The following C19orf44 variants were observed in gnomAD, a reference collection of about 807,000 sequenced individuals.
C19orf44 encodes chromosome 19 open reading frame 44.
In C19orf44, 43 loss-of-function variants were observed where a neutral mutation model predicts 50.7. That is an observed-to-expected ratio of 0.85 (90% CI 0.66 to 1.09). The LOEUF (loss-of-function observed/expected upper bound fraction) is 1.09, where lower values mean the gene tolerates loss of function less well. C19orf44 is among the 50% of genes least tolerant of loss of function. The pLI is 0.00. For synonymous variants in C19orf44, 298 were observed against 334.7 expected (o/e 0.89, Z 1.20); for missense variants, 722 against 836.2 (o/e 0.86, Z 1.68).
chr19:16,509,754 T>G lies in C19orf44; in HGVS notation c.1405T>G (p.Ser469Ala), dbSNP rs540886492. ...GGTGAACACAGTCAGCTCAGCTTAT[T>G]CGGAGGATTTTGAAAACTCTCCAAG... ...PMVNTVSSAY[S>A]EDFENSPSLT... Residue 469 changes from serine (S) to alanine (A), a missense_variant, in exon 5 of 9, where the codon TCG becomes GCG. Coordinates refer to ENST00000221671, the MANE Select transcript of C19orf44 (RefSeq NM_032207.4). 1.9e-6 allele frequency: 3 copies of G among 1,614,264 alleles called. No individual in the cohort carries two copies. Among genetic ancestry groups the G allele is most frequent in the Non-Finnish European group, 2.5e-6 (3 of 1,180,044 alleles).
intron 7 of C19orf44, among the ~76,000 whole-genome samples, chr19:16,516,563 G>A (rs2093472889): frequency 6.6e-6 from 1 of 152,188 alleles, no homozygotes; most frequent in Non-Finnish European, 1.5e-5. Flanking sequence ...TATCCGATAT[G>A]TCCTTTGAGC....
Position 16,520,742 on chromosome 19 carries a change from G to A in C19orf44, c.*689G>A. On this transcript the variant is annotated 3_prime_UTR_variant, in exon 9 of 9. Coordinates refer to ENST00000221671, the MANE Select transcript of C19orf44 (RefSeq NM_032207.4). This position sits in a 1 kb window ranked among gnomAD's most constrained non-coding sequence, Gnocchi z 4.0. ...GCACAGGCTGTGTGAGGGTGGACGT[G>A]ATGAGTGTATCTGGGGTCTGCTCCC... 1 of 1,364,676 alleles carries A rather than the reference G, an allele frequency of 7.3e-7. No individual in the cohort carries two copies. The highest frequency in any genetic ancestry group is 1.0e-6 in the Non-Finnish European group (1 of 959,768). 84.5% of individuals were successfully genotyped at this position (1,364,676 alleles called of 1,614,324 possible). A position where few individuals can be genotyped will look rare whatever the true frequency, so the allele number is the denominator to read the frequency against.
intron 5 of C19orf44, among the ~76,000 whole-genome samples, chr19:16,511,071 C>G (rs2093455917): frequency 6.6e-6 from 1 of 151,290 alleles, no homozygotes; most frequent in African/African-American, 2.4e-5. Flanking sequence ...GAGTCTCACT[C>G]TCTTGCCCAG....
rs1468008552 is a variant in C19orf44 at position 16,514,563 on chromosome 19, CGCA to C, written c.1807_1809del (p.Gln603del). 4.3e-6 allele frequency: 7 copies of C among 1,611,236 alleles called. No individual in the cohort carries two copies. Among genetic ancestry groups the C allele is most frequent in the South Asian group, 2.2e-5 (2 of 90,832 alleles). Reference sequence around the variant, plus strand: ...GTGCTGAAGCAGCAGCTGAGCCTGACGCAGCAGTTCATCCAGGCCAGCCGGCAC... The same window carrying C: ...GTGCTGAAGCAGCAGCTGAGCCTGACGCAGTTCATCCAGGCCAGCCGGCAC... On this transcript the variant is annotated inframe_deletion, in exon 7 of 9. Coordinates refer to ENST00000221671, the MANE Select transcript of C19orf44 (RefSeq NM_032207.4).
rs1477185043 is a variant in C19orf44 at position 16,503,369 on chromosome 19, A to C, written c.1064A>C (p.Asp355Ala). 2.5e-6 allele frequency: 4 copies of C among 1,609,248 alleles called. No homozygotes were observed. Among genetic ancestry groups the C allele is most frequent in the Non-Finnish European group, 3.4e-6 (4 of 1,176,094 alleles). ...GAGCCAGTCTCAGAAGGTGCTGATG[A>C]CAGCCTCGACGGTAATCCCAGTCCC... is the stretch of plus-strand genomic sequence containing the variant. The part of the protein sequence containing the change: ...VDEPVSEGAD[D>A]SLDEFRINIL... The change falls in exon 3 of 9, where the codon GAC becomes GCC. Residue 355 changes from aspartate to alanine, a missense_variant. Coordinates refer to ENST00000221671, the MANE Select transcript of C19orf44 (RefSeq NM_032207.4).
chr19:16,505,984 T>G (rs917739147), intron 3 of C19orf44, among the ~76,000 whole-genome samples: 10 of 138,458 alleles, frequency 7.2e-5, no homozygotes, highest in Non-Finnish European at 1.4e-4. Context: ...GCCCGATGAT[T>G]ATTATTATTT....
intron 7 of C19orf44, among the ~76,000 whole-genome samples, chr19:16,516,113 A>G (rs1185756486): frequency 1.3e-5 from 2 of 152,126 alleles, no homozygotes; most frequent in Non-Finnish European, 2.9e-5. Context: ...CATTTTACAT[A>G]ACAAATTTTT....
chr19:16,509,881 A>G lies in C19orf44; in HGVS notation c.1532A>G (p.Gln511Arg). Residue 511 changes from glutamine to arginine, a missense_variant, in exon 5 of 9, where the codon CAA (glutamine) becomes CGA (arginine). By Grantham distance (43) the Gln-to-Arg change is conservative (BLOSUM62 1). Transcript: ENST00000221671. ...TCAAGTGTGAAGACAGACCTTCCAC[A>G]AACAGCCGAGTCTAGGAAAAAGTCG... ...SSSSVKTDLP[Q>R]TAESRKKSGR... is the part of the protein sequence containing the mutation. 6.2e-7 allele frequency: 1 copy of G among 1,614,264 alleles called. No individual in the cohort carries two copies. Among genetic ancestry groups the G allele is most frequent in the Non-Finnish European group, 8.5e-7 (1 of 1,180,044 alleles).
rs767815823 is a variant in C19orf44 at position 16,519,278 on chromosome 19, C to T, written c.*41-816C>T. 3 of 1,614,070 alleles carry T rather than the reference C, an allele frequency of 1.9e-6. No individual in the cohort carries two copies. Among genetic ancestry groups the T allele is most frequent in the Non-Finnish European group, 2.5e-6 (3 of 1,180,040 alleles). ...ACGCCTTTATACTGGTCCCACTTAT[C>T]CCGGACGTCCCCGCCCTTGATGGGG... On this transcript the variant is annotated intron_variant, in intron 8 of 8. Transcript: ENST00000221671. The surrounding 1 kb of genome is among the most constrained non-coding windows in gnomAD (Gnocchi z 6.0).
rs890225112 is a variant in C19orf44, at chr19:16,496,448, T to G, written c.-19T>G. ...TGAATGTGGCGGCTGCCTCTGCGAA[T>G]GGACGGCGTGGGAAGAGGTCGGCAG... is the stretch of plus-strand genomic sequence containing the variant. On this transcript the variant is annotated 5_prime_UTR_variant, in exon 1 of 9. An upstream start codon of the reference 5' UTR is lost. Transcript: ENST00000221671. 5.5e-6 allele frequency: 2 copies of G among 364,092 alleles called. No individual in the cohort carries two copies. The highest frequency in any genetic ancestry group is 1.0e-5 in the Non-Finnish European group (2 of 191,410). 22.6% of individuals were successfully genotyped at this position (364,092 alleles called of 1,614,324 possible).
intron 4 of C19orf44, 145 bp downstream of exon 4, chr19:16,506,919 C>T (rs948152525): frequency 5.6e-5 from 33 of 592,606 alleles, no homozygotes; most frequent in Middle Eastern, 4.7e-4. Flanking sequence ...GCAATCCTCC[C>T]GATTCAGCCT....
chr19:16,507,386 C>T (rs969562621), intron 4 of C19orf44, among the ~76,000 whole-genome samples: 4 of 151,920 alleles, frequency 2.6e-5, no homozygotes, highest in Admixed American at 6.6e-5. Flanking sequence ...TGGTGGCCAC[C>T]GGCACTGTCA....
At chr19:16,507,614 C>T (rs1450372425) in intron 4 of C19orf44, among the ~76,000 whole-genome samples, 5 of 150,948 alleles carry the variant, frequency 3.3e-5, no homozygotes, top group South Asian at 2.1e-4. Flanking sequence ...GCCTCTGCCT[C>T]CCAAGTAGCT....
At chr19:16,509,283 G>A (rs866903767) in intron 4 of C19orf44, among the ~76,000 whole-genome samples, 1 of 152,086 alleles carries the variant, frequency 6.6e-6, no homozygotes, top group Admixed American at 6.6e-5. Context: ...CTAAGCATGC[G>A]TCACACCATC....
At chr19:16,507,531 C>T (rs1442408161) in intron 4 of C19orf44, among the ~76,000 whole-genome samples, 9 of 145,434 alleles carry the variant, frequency 6.2e-5, no homozygotes, top group Non-Finnish European at 1.2e-4. Context: ...TGTTCTTATC[C>T]CCCAGGTTTG....
chr19:16,497,536 A>C (rs2093413375), intron 1 of C19orf44, among the ~76,000 whole-genome samples: 2 of 151,204 alleles, frequency 1.3e-5, no homozygotes, highest in Non-Finnish European at 2.9e-5. Flanking sequence ...TTGTTAGTAG[A>C]GACGGGGTTT....
chr19:16,502,775 T>C (rs1349893595), intron 2 of C19orf44, among the ~76,000 whole-genome samples: 1 of 151,038 alleles, frequency 6.6e-6, no homozygotes, highest in Non-Finnish European at 1.5e-5. Context: ...GTAGATTGCT[T>C]CAGCTGTGGT....
chr19:16,509,801 C>T lies in C19orf44; in HGVS notation c.1452C>T (p.Thr484=), dbSNP rs368527845. Residue 484 remains threonine, a synonymous_variant, in exon 5 of 9, where the codon ACC becomes ACT. Coordinates refer to ENST00000221671, the MANE Select transcript of C19orf44 (RefSeq NM_032207.4). ...NSPSLTASEP[T]AHSKESLDRT... is the part of the protein sequence containing the mutation. ...CAAGTCTGACAGCATCTGAGCCAAC[C>T]GCCCATTCCAAGGAGTCTCTTGACA... 6 of 1,614,116 alleles carry T rather than the reference C, an allele frequency of 3.7e-6. No homozygotes were observed. Among genetic ancestry groups the T allele is most frequent in the Admixed American group, 1.7e-5 (1 of 60,002 alleles).
In C19orf44 at chr19:16,519,092, G is replaced by A. The variant is rs987852836; in HGVS notation, c.*41-1002G>A. On this transcript the variant is annotated intron_variant, in intron 8 of 8. Coordinates refer to ENST00000221671, the MANE Select transcript of C19orf44 (RefSeq NM_032207.4). The surrounding 1 kb of genome is among the most constrained non-coding windows in gnomAD (Gnocchi z 6.0). Reference sequence around the variant, plus strand: ...TGAGCTGTCACTGCAATCTTCCTCTGCCAGTCAGCCAGGAAGGTCCCACAG... The same window carrying A: ...TGAGCTGTCACTGCAATCTTCCTCTACCAGTCAGCCAGGAAGGTCCCACAG... 2 of 1,407,304 alleles carry A rather than the reference G, an allele frequency of 1.4e-6. No individual in the cohort carries two copies. Among genetic ancestry groups the A allele is most frequent in the Admixed American group, 4.3e-5 (2 of 46,832 alleles). The allele number at this position is 1,407,304 out of a possible 1,614,324, so 87.2% of individuals were successfully genotyped here. A position where few individuals can be genotyped will look rare whatever the true frequency, so the allele number is the denominator to read the frequency against.
Sources: gnomAD v4.1 joint callset for allele counts (sites outside exome capture counted in the v4.1 genomes callset) on GRCh38, gnomAD v4.1.1 for gene constraint, Gnocchi (gnomAD v3.1) non-coding constraint, MANE v1.5 for transcripts, NCBI Gene and HGNC (gene_info 2026-07-23, HGNC 2026-07-21) for gene names.